MACROD2: variants seen among roughly 807,000 people sequenced by gnomAD.
MACROD2 encodes the protein ADP-ribose glycohydrolase MACROD2.
Under a neutral mutation model 70.4 loss-of-function variants are expected in MACROD2, and 36 were observed. The ratio of observed to expected loss-of-function variants is 0.51; its 90% CI spans 0.39 to 0.68. MACROD2 has a LOEUF of 0.68. MACROD2 is among the 30% of genes least tolerant of loss of function. The probability of loss-of-function intolerance (pLI) is 0.00; values close to 1 mark genes in which losing one functional copy is unlikely to be tolerated. For missense variants in MACROD2, 496 were observed against 538.4 expected (o/e 0.92, Z 0.78); for synonymous variants, 172 against 178.8 (o/e 0.96, Z 0.30).
intron 5 of MACROD2, among the ~76,000 whole-genome samples, chr20:15,186,834 G>A (rs1356467484): frequency 1.3e-5 from 2 of 152,136 alleles, no homozygotes; most frequent in Non-Finnish European, 2.9e-5. Flanking sequence ...TATCTTAGAA[G>A]TCTCATTTGT....
intron 5 of MACROD2, among the ~76,000 whole-genome samples, chr20:14,957,954 C>T (rs1046243854): frequency 6.6e-6 from 1 of 151,964 alleles, no homozygotes; most frequent in South Asian, 2.1e-4. Flanking sequence ...TTTCTCTGAC[C>T]ATATTCTATT....
At chr20:15,782,433 A>G (rs1236346583) in intron 8 of MACROD2, among the ~76,000 whole-genome samples, 1 of 152,132 alleles carries the variant, frequency 6.6e-6, no homozygotes, top group Non-Finnish European at 1.5e-5. Context: ...TCACTCATGT[A>G]GCTACATTCA....
intron 5 of MACROD2, among the ~76,000 whole-genome samples, chr20:15,174,924 G>T (rs1235777654): frequency 6.6e-6 from 1 of 151,962 alleles, no homozygotes; most frequent in African/African-American, 2.4e-5. Flanking sequence ...CAGATGAGTA[G>T]GTTGTGAAAA....
chr20:14,628,710 A>C (rs761628145), intron 4 of MACROD2: 5 of 152,228 alleles, frequency 3.3e-5, no homozygotes, highest in Non-Finnish European at 7.3e-5. Context: ...TCATACAGAC[A>C]GTAGAAGCCA....
chr20:15,691,989 A>G (rs926689203), intron 8 of MACROD2, among the ~76,000 whole-genome samples: 2 of 152,176 alleles, frequency 1.3e-5, no homozygotes, highest in African/African-American at 4.8e-5. Flanking sequence ...GATACTTTTC[A>G]TTATATGATC....
chr20:14,460,729 AT>A (rs2123014923), intron 3 of MACROD2, among the ~76,000 whole-genome samples: 1 of 152,054 alleles, frequency 6.6e-6, no homozygotes, highest in African/African-American at 2.4e-5. Context: ...ACGTTTATTG[AT>A]TTTCATATGT....
intron 8 of MACROD2, among the ~76,000 whole-genome samples, chr20:15,616,587 T>C (rs994187095): frequency 6.6e-6 from 1 of 152,196 alleles, no homozygotes; most frequent in African/African-American, 2.4e-5. Context: ...AGGACATGAC[T>C]GCTCTGTCTG....
chr20:15,794,373 T>C (rs1467852301), intron 8 of MACROD2, among the ~76,000 whole-genome samples: 2 of 152,202 alleles, frequency 1.3e-5, no homozygotes, highest in Non-Finnish European at 2.9e-5. Flanking sequence ...TACAAACAAA[T>C]ATGAAATAGC....
chr20:14,536,482 C>A (rs763589678), intron 4 of MACROD2, among the ~76,000 whole-genome samples: 2 of 152,000 alleles, frequency 1.3e-5, no homozygotes, highest in Non-Finnish European at 2.9e-5. Flanking sequence ...TTATTTTATT[C>A]CCTTTGAGGA....
rs149619215 is a variant in MACROD2 at position 15,333,407 on chromosome 20, T to G, written c.541-97998T>G. Among the ~76,000 whole-genome samples the G allele has an allele frequency of 8.1e-4, 123 of 151,784 alleles. 2 individuals carry two copies. The East Asian group carries it at 0.022, about 27-fold the overall frequency. On this transcript the variant is annotated intron_variant, in intron 6 of 17. Coordinates refer to ENST00000684519, the MANE Select transcript of MACROD2 (RefSeq NM_001351661.2). ...TTCTCCTCGAAAGCGAATTGTTTCC[T>G]TGACAGGTAGGTAGTTTAGATTTTT...
intron 5 of MACROD2, among the ~76,000 whole-genome samples, chr20:15,006,883 C>G (rs538323569): frequency 1.5e-4 from 23 of 152,224 alleles, no homozygotes; most frequent in African/African-American, 5.3e-4. Context: ...CCAGTTTGCT[C>G]TCAAACCTGT....
intron 3 of MACROD2, among the ~76,000 whole-genome samples, chr20:14,456,938 T>G (rs192567241): frequency 6.6e-6 from 1 of 151,852 alleles, no homozygotes; most frequent in Non-Finnish European, 1.5e-5. Context: ...AGGATGGTCT[T>G]GATCTCCTGA....
chr20:15,782,423 T>G (rs1183469853), intron 8 of MACROD2, among the ~76,000 whole-genome samples: 1 of 152,074 alleles, frequency 6.6e-6, no homozygotes, highest in Non-Finnish European at 1.5e-5. Flanking sequence ...ATGACTGAGG[T>G]CACTCATGTA....
chr20:15,384,636 C>A (rs1181894222), intron 6 of MACROD2, among the ~76,000 whole-genome samples: 1 of 151,952 alleles, frequency 6.6e-6, no homozygotes, highest in Non-Finnish European at 1.5e-5. Flanking sequence ...TACTATATGC[C>A]GGGTGTTATA....
chr20:14,978,383 C>G (rs1290480383), intron 5 of MACROD2, among the ~76,000 whole-genome samples: 1 of 114,424 alleles, frequency 8.7e-6, no homozygotes, highest in Non-Finnish European at 1.9e-5. Flanking sequence ...CCGCCCCCCC[C>G]ACTTTTTTTA....
At chr20:15,053,771 C>T (rs2075461501) in intron 5 of MACROD2, among the ~76,000 whole-genome samples, 1 of 152,106 alleles carries the variant, frequency 6.6e-6, no homozygotes. Flanking sequence ...CCATAGCTGC[C>T]ATAGATAGTG....
At chr20:14,099,219 A>C (rs2054267741) in intron 3 of MACROD2, among the ~76,000 whole-genome samples, 1 of 152,010 alleles carries the variant, frequency 6.6e-6, no homozygotes, top group African/African-American at 2.4e-5. Flanking sequence ...CGGAGGTTGC[A>C]GTGAGCCAAG....
At chr20:14,692,131 C>T (rs2071072194) in intron 5 of MACROD2, among the ~76,000 whole-genome samples, 1 of 152,172 alleles carries the variant, frequency 6.6e-6, no homozygotes, top group South Asian at 2.1e-4. Context: ...GCAGCATCAC[C>T]TGGGAATTTG....
At chr20:14,082,345 ATTTTTTGTATTTTT>A (rs1438253397) in intron 2 of MACROD2, among the ~76,000 whole-genome samples, 2 of 144,746 alleles carry the variant, frequency 1.4e-5, no homozygotes, top group Admixed American at 6.9e-5. Flanking sequence ...TGCCCTGCTA[ATTTTTTGTATTTTT>A]TTTTTTTTTT....
Sources: gnomAD v4.1 joint callset for allele counts (sites outside exome capture counted in the v4.1 genomes callset) on GRCh38, gnomAD v4.1.1 for gene constraint, MANE v1.5 for transcripts, NCBI Gene and HGNC (gene_info 2026-07-23, HGNC 2026-07-21) for gene names.